DDX50: variants seen among roughly 807,000 people sequenced by gnomAD.
The protein encoded by DDX50 is ATP-dependent RNA helicase DDX50.
Under a neutral mutation model 94.8 loss-of-function variants are expected in DDX50, and 56 were observed. The ratio of observed to expected loss-of-function variants is 0.59; its 90% CI spans 0.48 to 0.74. DDX50 has a LOEUF of 0.74. Among genes scored for constraint, DDX50 ranks in the 30% least tolerant of loss-of-function variants. DDX50 has a pLI of 0.00. For missense variants in DDX50, 713 were observed against 881.2 expected (o/e 0.81, Z 2.42); for synonymous variants, 264 against 295.4 (o/e 0.89, Z 1.09).
chr10:68,911,341 A>G (rs1445113360), intron 4 of DDX50, 95 bp downstream of exon 4: 2 of 1,331,828 alleles, frequency 1.5e-6, no homozygotes, highest in African/African-American at 1.5e-5. Context: ...CCCAAAATAG[A>G]AAAGTTAGCG....
intron 14 of DDX50, among the ~76,000 whole-genome samples, chr10:68,945,536 A>ACCTCAAGTGATCTGC: frequency 6.6e-6 from 1 of 152,090 alleles, no homozygotes; most frequent in East Asian, 1.9e-4. Context: ...CGAACTTCTG[A>ACCTCAAGTGATCTGC]CCTCAAGTGA....
intron 8 of DDX50, among the ~76,000 whole-genome samples, chr10:68,929,367 CCTTTCCTTT>C (rs1842187225): frequency 2.0e-5 from 3 of 148,014 alleles, no homozygotes; most frequent in Admixed American, 6.9e-5. Flanking sequence ...TTCTTTCCTT[CCTTTCCTTT>C]CTTTCCTTCC....
chr10:68,931,432 A>ACACACCCACACACACAC (rs1261998646), intron 8 of DDX50, among the ~76,000 whole-genome samples: 1 of 61,496 alleles, frequency 1.6e-5, no homozygotes, highest in Non-Finnish European at 3.0e-5. Flanking sequence ...TATATACACA[A>ACACACCCACACACACAC]ACACACACAC....
In DDX50 at chr10:68,946,724, T is replaced by C. The variant is rs1170848225; in HGVS notation, c.*94T>C. On this transcript the variant is annotated 3_prime_UTR_variant, in exon 15 of 15. Transcript: ENST00000373585. Reference sequence around the variant, plus strand: ...AAATTAGGTCATCATAGTTGAGGTATGTGTCTGCTATTTGCAAAGAAGTTG... The same window carrying C: ...AAATTAGGTCATCATAGTTGAGGTACGTGTCTGCTATTTGCAAAGAAGTTG... 1.4e-6 allele frequency: 2 copies of C among 1,459,930 alleles called. No homozygotes were observed. The highest frequency in any genetic ancestry group is 1.4e-5 in the African/African-American group (1 of 70,972). The allele number at this position is 1,459,930 out of a possible 1,614,324, so 90.4% of individuals were successfully genotyped here. A position where few individuals can be genotyped will look rare whatever the true frequency, so the allele number is the denominator to read the frequency against.
chr10:68,903,314 C>G (rs1841342908), intron 1 of DDX50, among the ~76,000 whole-genome samples: 1 of 151,626 alleles, frequency 6.6e-6, no homozygotes, highest in Admixed American at 6.6e-5. Context: ...GGCAGATCAC[C>G]TGAGGTCAGG....
intron 13 of DDX50, among the ~76,000 whole-genome samples, chr10:68,942,859 A>C (rs1190523228): frequency 6.6e-6 from 1 of 151,954 alleles, no homozygotes; most frequent in African/African-American, 2.4e-5. Flanking sequence ...GGACTCAAAC[A>C]ATCTGTCCAC....
At chr10:68,919,270 GTTCA>G (rs1468376959) in intron 7 of DDX50, among the ~76,000 whole-genome samples, 3 of 152,192 alleles carry the variant, frequency 2.0e-5, no homozygotes, top group African/African-American at 7.2e-5. Context: ...TGTTTTTGAG[GTTCA>G]TTCATATAAT....
intron 7 of DDX50, among the ~76,000 whole-genome samples, chr10:68,914,921 T>C (rs1841738551): frequency 6.6e-6 from 1 of 151,124 alleles, no homozygotes. Flanking sequence ...TTTGGGAGGC[T>C]GAGGCATGAG....
chr10:68,933,434 T>A (rs1048966783), intron 8 of DDX50, among the ~76,000 whole-genome samples: 1 of 152,116 alleles, frequency 6.6e-6, no homozygotes, highest in African/African-American at 2.4e-5. Context: ...AGTAGGATAT[T>A]GCTAAAATAG....
chr10:68,924,229 C>T (rs903821337), intron 8 of DDX50, among the ~76,000 whole-genome samples: 2 of 151,862 alleles, frequency 1.3e-5, no homozygotes, highest in African/African-American at 4.8e-5. Context: ...GCCTAGGCCT[C>T]CCAAAGTGCT....
At chr10:68,907,271 T>C (rs1841483190) in intron 2 of DDX50, among the ~76,000 whole-genome samples, 1 of 151,980 alleles carries the variant, frequency 6.6e-6, no homozygotes, top group South Asian at 2.1e-4. Context: ...CCTAAAGTTA[T>C]TCGGAATTGC....
intron 7 of DDX50, among the ~76,000 whole-genome samples, chr10:68,918,331 T>G (rs899070966): frequency 4.6e-5 from 7 of 152,046 alleles, no homozygotes; most frequent in African/African-American, 1.7e-4. Context: ...TATAGTACAT[T>G]TACAGTATAC....
intron 8 of DDX50, among the ~76,000 whole-genome samples, chr10:68,933,738 C>T (rs2132054228): frequency 6.6e-6 from 1 of 151,268 alleles, no homozygotes; most frequent in South Asian, 2.1e-4. Flanking sequence ...AGTTCAAGAC[C>T]AGCCTGATCA....
intron 7 of DDX50, among the ~76,000 whole-genome samples, chr10:68,918,560 C>T (rs890396741): frequency 6.6e-6 from 1 of 151,634 alleles, no homozygotes; most frequent in Admixed American, 6.6e-5. Context: ...CTCAGTCTCC[C>T]GAGTAGCTGG....
chr10:68,945,266 G>T (rs185921981), intron 14 of DDX50, among the ~76,000 whole-genome samples: 19 of 151,716 alleles, frequency 1.3e-4, no homozygotes, highest in African/African-American at 4.6e-4. Context: ...TACCAGTATT[G>T]GAAAGAAAGA....
At chr10:68,940,097 T>C (rs1291295397) in intron 12 of DDX50, among the ~76,000 whole-genome samples, 1 of 152,152 alleles carries the variant, frequency 6.6e-6, no homozygotes, top group East Asian at 1.9e-4. Context: ...TTCAAAAGTT[T>C]AAAGAAATTG....
At chr10:68,917,599 G>A (rs148876098) in intron 7 of DDX50, among the ~76,000 whole-genome samples, 2 of 151,948 alleles carry the variant, frequency 1.3e-5, no homozygotes, top group African/African-American at 4.8e-5. Flanking sequence ...TTGTTTGTTC[G>A]TGTTGTGTTT....
chr10:68,901,524 G>C, intron 1 of DDX50, 53 bp downstream of exon 1: 1 of 1,527,822 alleles, frequency 6.5e-7, no homozygotes, highest in South Asian at 1.2e-5. Flanking sequence ...CTTGGGCGGG[G>C]AGGGGAACTG....
chr10:68,907,118 G>A, intron 2 of DDX50, 111 bp downstream of exon 2: 1 of 1,085,496 alleles, frequency 9.2e-7, no homozygotes, highest in South Asian at 1.6e-5. Flanking sequence ...TTAGTGTCTA[G>A]TATTCTTAGT....
Sources: gnomAD v4.1 joint callset for allele counts (sites outside exome capture counted in the v4.1 genomes callset) on GRCh38, gnomAD v4.1.1 for gene constraint, MANE v1.5 for transcripts, NCBI Gene and HGNC (gene_info 2026-07-23, HGNC 2026-07-21) for gene names.